Variants in CSMD1 observed in about 807,000 individuals in gnomAD.
The protein encoded by CSMD1 is CUB and sushi domain-containing protein 1.
CSMD1 carries 213 observed loss-of-function variants against 417.5 expected under a neutral mutation model. The ratio of observed to expected loss-of-function variants is 0.51; its 90% CI spans 0.46 to 0.57. The LOEUF (loss-of-function observed/expected upper bound fraction) is 0.57, where lower values mean the gene tolerates loss of function less well. Ranked by LOEUF, CSMD1 falls within the 20% of genes least tolerant of loss-of-function variation. The probability of loss-of-function intolerance (pLI) is 0.00; values close to 1 mark genes in which losing one functional copy is unlikely to be tolerated. For missense variants in CSMD1, 6,923 were observed against 4,529.7 expected (o/e 1.53, Z -15.17); for synonymous variants, 2,862 against 1,736.8 (o/e 1.65, Z -16.11).
At chr8:4,412,764 T>A (rs1204562786) in intron 3 of CSMD1, among the ~76,000 whole-genome samples, 1 of 152,210 alleles carries the variant, frequency 6.6e-6, no homozygotes, top group Non-Finnish European at 1.5e-5. Context: ...ACTACTTACA[T>A]TGATACCTAT....
At chr8:3,905,977 T>A (rs758846609) in intron 5 of CSMD1, among the ~76,000 whole-genome samples, 4 of 152,210 alleles carry the variant, frequency 2.6e-5, no homozygotes, top group Non-Finnish European at 5.9e-5. Flanking sequence ...TCAAACCTGT[T>A]CTTTTACCAG....
At position 4,341,716 on chromosome 8, in the gene CSMD1, G is replaced by A. The variant is rs536570003; in HGVS notation, c.415+78237C>T. On this transcript the variant is annotated intron_variant, in intron 3 of 69. Coordinates refer to ENST00000635120, the MANE Select transcript of CSMD1 (RefSeq NM_033225.6). ...ATGGAAACCTAAGATTAGTCAATAT[G>A]TTTTTTCAACAAATTAGAATTAGGC... Among the ~76,000 whole-genome samples, 56 of 152,210 alleles carry A rather than the reference G, an allele frequency of 3.7e-4. No individual in the cohort carries two copies. The South Asian group carries it at 6.2e-3, about 17-fold the overall frequency.
At chr8:4,879,858 A>G (rs1360948013) in intron 1 of CSMD1, among the ~76,000 whole-genome samples, 2 of 152,136 alleles carry the variant, frequency 1.3e-5, no homozygotes, top group Non-Finnish European at 2.9e-5. Context: ...TTTATTTGGC[A>G]AATAAAATCG....
At chr8:4,960,338 T>C (rs1165470380) in intron 1 of CSMD1, among the ~76,000 whole-genome samples, 8 of 152,206 alleles carry the variant, frequency 5.3e-5, no homozygotes, top group African/African-American at 1.9e-4. Flanking sequence ...TCTGACATCT[T>C]ACTTAGAAGA....
At chr8:4,315,655 G>A (rs1294870567) in intron 3 of CSMD1, among the ~76,000 whole-genome samples, 2 of 151,998 alleles carry the variant, frequency 1.3e-5, no homozygotes, top group Non-Finnish European at 2.9e-5. Flanking sequence ...TAGAATCAAG[G>A]TTTACATCAG....
At chr8:3,833,568 T>A (rs1005818249) in intron 5 of CSMD1, among the ~76,000 whole-genome samples, 12 of 152,146 alleles carry the variant, frequency 7.9e-5, no homozygotes, top group Non-Finnish European at 2.9e-5. Flanking sequence ...GGTAATCAAC[T>A]TTTTTGTTTT....
chr8:4,066,516 T>G (rs894399490), intron 3 of CSMD1, among the ~76,000 whole-genome samples: 2 of 152,202 alleles, frequency 1.3e-5, no homozygotes, highest in Non-Finnish European at 1.5e-5. Flanking sequence ...ACAATTTGTA[T>G]TATTTCTAAA....
At chr8:4,988,519 G>A (rs568650805) in intron 1 of CSMD1, among the ~76,000 whole-genome samples, 111 of 152,232 alleles carry the variant, frequency 7.3e-4, no homozygotes, top group South Asian at 6.6e-3. Context: ...TGTTGCCACC[G>A]TAGGTCAAAG....
In CSMD1 at chr8:4,372,094, C is replaced by G. The variant is rs1193288035; in HGVS notation, c.415+47859G>C. 3.9e-5 allele frequency among the ~76,000 whole-genome samples: 6 copies of G among 152,206 alleles called. No homozygotes were observed. The East Asian group carries it at 1.2e-3, about 29-fold the overall frequency. ...GGCTGAGGTGGAAGAAAAGCCCTTT[C>G]TATCTCAGTGCAAAGTCCATTTACT... On this transcript the variant is annotated intron_variant, in intron 3 of 69. Transcript: ENST00000635120.
chr8:3,788,605 G>C (rs1297211566), intron 5 of CSMD1, among the ~76,000 whole-genome samples: 2 of 152,224 alleles, frequency 1.3e-5, no homozygotes, highest in Non-Finnish European at 2.9e-5. Context: ...TAATAGGATT[G>C]TAAAGATTTA....
At chr8:4,276,551 C>G (rs1796498720) in intron 3 of CSMD1, among the ~76,000 whole-genome samples, 1 of 152,154 alleles carries the variant, frequency 6.6e-6, no homozygotes, top group African/African-American at 2.4e-5. Context: ...CGTAACAAAC[C>G]TGCACGTTCT....
intron 1 of CSMD1, chr8:4,787,658 A>C: frequency 6.3e-7 from 1 of 1,587,190 alleles, no homozygotes; most frequent in Non-Finnish European, 8.6e-7. Context: ...TCCTGGTGTC[A>C]AGGAAGGATA....
chr8:4,450,880 C>T (rs1030658107), intron 2 of CSMD1, among the ~76,000 whole-genome samples: 1 of 152,030 alleles, frequency 6.6e-6, no homozygotes, highest in Non-Finnish European at 1.5e-5. Context: ...TTCTTCCAAC[C>T]AGATTGCGCT....
intron 36 of CSMD1, among the ~76,000 whole-genome samples, chr8:3,184,542 C>G (rs947524023): frequency 1.3e-5 from 2 of 152,212 alleles, no homozygotes; most frequent in Non-Finnish European, 2.9e-5. Flanking sequence ...AACTGAGCTT[C>G]AGAATGGATA....
chr8:4,017,104 G>C (rs78965404), intron 4 of CSMD1, among the ~76,000 whole-genome samples: 1 of 152,192 alleles, frequency 6.6e-6, no homozygotes, highest in Non-Finnish European at 1.5e-5. Flanking sequence ...GCGGTGTTCA[G>C]CCAGCCTTGC....
At chr8:4,315,876 T>C (rs997268000) in intron 3 of CSMD1, among the ~76,000 whole-genome samples, 1 of 152,182 alleles carries the variant, frequency 6.6e-6, no homozygotes, top group African/African-American at 2.4e-5. Flanking sequence ...CTTAGTAAAA[T>C]TTTAAAAACA....
intron 6 of CSMD1, among the ~76,000 whole-genome samples, chr8:3,752,483 C>T (rs1313111690): frequency 6.6e-6 from 1 of 151,788 alleles, no homozygotes; most frequent in Non-Finnish European, 1.5e-5. Flanking sequence ...GGCGAAACCC[C>T]ATCTCTACTA....
intron 2 of CSMD1, among the ~76,000 whole-genome samples, chr8:4,471,908 CAATGATTAGGAAATAACAG>C (rs978716151): frequency 6.6e-6 from 1 of 152,020 alleles, no homozygotes; most frequent in African/African-American, 2.4e-5. Flanking sequence ...AAGGTGTTTC[CAATGATTAGGAAATAACAG>C]GGACTTTATA....
intron 3 of CSMD1, among the ~76,000 whole-genome samples, chr8:4,278,511 G>T (rs1037307941): frequency 1.8e-4 from 27 of 152,154 alleles, no homozygotes; most frequent in Non-Finnish European, 2.8e-4. Flanking sequence ...AAAAGTAATT[G>T]TGAGTTTTAC....
Sources: allele counts gnomAD v4.1 joint callset (sites outside exome capture counted in the v4.1 genomes callset), GRCh38; gene constraint gnomAD v4.1.1; transcripts MANE v1.5; gene names NCBI Gene and HGNC (gene_info 2026-07-23, HGNC 2026-07-21).